The following ATP10B variants were observed in gnomAD, a reference collection of about 807,000 sequenced individuals.
ATP10B encodes phospholipid-transporting ATPase VB.
ATP10B carries 122 observed loss-of-function variants against 141.2 expected under a neutral mutation model. That is an observed-to-expected ratio of 0.86 (90% confidence interval 0.75 to 1.00). ATP10B has a LOEUF of 1.00. ATP10B is among the 50% of genes least tolerant of loss of function. The pLI is 0.00. For synonymous variants in ATP10B, 685 were observed against 692.0 expected (o/e 0.99, Z 0.16); for missense variants, 1,876 against 1,825.3 (o/e 1.03, Z -0.51).
chr5:160,845,138 A>G (rs1295124412), intron 1 of ATP10B, among the ~76,000 whole-genome samples: 2 of 152,182 alleles, frequency 1.3e-5, no homozygotes, highest in Non-Finnish European at 2.9e-5. Context: ...TTGAAACTGA[A>G]CTACTATGGG....
At chr5:160,596,657 C>G (rs980931112) in intron 22 of ATP10B, among the ~76,000 whole-genome samples, 2 of 150,786 alleles carry the variant, frequency 1.3e-5, no homozygotes, top group African/African-American at 4.9e-5. Context: ...TTGTCTCAGC[C>G]CAAAATCTCC....
intron 15 of ATP10B, among the ~76,000 whole-genome samples, chr5:160,618,716 A>T (rs921059916): frequency 6.6e-6 from 1 of 152,182 alleles, no homozygotes; most frequent in African/African-American, 2.4e-5. Context: ...ATTCTATAAT[A>T]AGAATTTTTC....
chr5:160,760,694 G>A (rs1394857361), intron 2 of ATP10B, among the ~76,000 whole-genome samples: 3 of 152,204 alleles, frequency 2.0e-5, no homozygotes, highest in East Asian at 1.9e-4. Context: ...CAGCTGGAGT[G>A]AGCCTGGCCT....
the ATP10B span, among the ~76,000 whole-genome samples, chr5:160,924,146 C>T: frequency 6.6e-6 from 1 of 152,208 alleles, no homozygotes; most frequent in African/African-American, 2.4e-5. Context: ...TGTCCCCATC[C>T]CTTGCCAGCA....
At chr5:160,653,768 A>G (rs906318149) in intron 7 of ATP10B, among the ~76,000 whole-genome samples, 1 of 123,872 alleles carries the variant, frequency 8.1e-6, no homozygotes, top group Non-Finnish European at 1.5e-5. Flanking sequence ...TATATATAAT[A>G]TATACATATA....
Position 160,601,517 on chromosome 5 carries a change from G to C in ATP10B, c.3363+1060C>G, listed in dbSNP as rs532746243. 2.6e-5 allele frequency among the ~76,000 whole-genome samples: 4 copies of C among 152,182 alleles called. No individual in the cohort carries two copies. The South Asian group carries it at 6.2e-4, about 24-fold the overall frequency. ...CTTCCTATTCCCATTGTTAATAAAG[G>C]GCTTTTCAAAGAAGAGTCTTCTGAC... On this transcript the variant is annotated intron_variant, in intron 21 of 25. Transcript: ENST00000327245.
intron 2 of ATP10B, among the ~76,000 whole-genome samples, chr5:160,774,710 G>T (rs1291285179): frequency 6.6e-6 from 1 of 152,192 alleles, no homozygotes; most frequent in African/African-American, 2.4e-5. Flanking sequence ...TACAAATCTA[G>T]TCTCTGTATT....
chr5:160,622,491 G>C lies in ATP10B; in HGVS notation c.1715C>G (p.Ala572Gly), dbSNP rs747153050. 55 of 1,614,028 alleles carry C rather than the reference G, an allele frequency of 3.4e-5. No homozygotes were observed. The Admixed American group carries it at 8.8e-4, about 26-fold the overall frequency. ...ETLSDSRPAKASLSTTSSIAD... is the reference protein window; with the variant it reads ...ETLSDSRPAKGSLSTTSSIAD... ...AATGGAGGAGGTGGTGGAGAGGGAA[G>C]CCTTGGCAGGTCTGCTGTCTGACAA... The change falls in exon 14 of 26, where the codon GCT becomes GGT. Residue 572 changes from alanine to glycine, a missense_variant. Ala to Gly is a moderately conservative substitution (Grantham distance 60). Transcript: ENST00000327245.
the ATP10B span, among the ~76,000 whole-genome samples, chr5:160,923,475 C>G: frequency 6.6e-6 from 1 of 152,220 alleles, no homozygotes; most frequent in Admixed American, 6.5e-5. Context: ...ATATAGGAAT[C>G]AGCACGGTGC....
chr5:160,902,416 G>T, the ATP10B span, among the ~76,000 whole-genome samples: 1 of 152,118 alleles, frequency 6.6e-6, no homozygotes, highest in East Asian at 1.9e-4. Flanking sequence ...CAAGTTCAGG[G>T]TCCCTAATTA....
At chr5:160,689,844 T>G (rs1413395994) in intron 3 of ATP10B, among the ~76,000 whole-genome samples, 1 of 152,138 alleles carries the variant, frequency 6.6e-6, no homozygotes, top group Non-Finnish European at 1.5e-5. Context: ...TTCACAGAAT[T>G]TGAAAAAACT....
At chr5:160,825,370 T>C (rs1774509080) in intron 1 of ATP10B, among the ~76,000 whole-genome samples, 1 of 152,180 alleles carries the variant, frequency 6.6e-6, no homozygotes. Context: ...CTCATGGTAA[T>C]GAGTAAGTCT....
intron 17 of ATP10B, among the ~76,000 whole-genome samples, chr5:160,615,266 A>T (rs1167307322): frequency 6.6e-6 from 1 of 151,680 alleles, no homozygotes; most frequent in African/African-American, 2.4e-5. Flanking sequence ...CCAGGCCTTC[A>T]ATTGGGTCCT....
chr5:160,686,985 T>C, intron 5 of ATP10B: 2 of 985,222 alleles, frequency 2.0e-6, no homozygotes, highest in Non-Finnish European at 2.4e-6. Context: ...TGCATCTTGC[T>C]CTCTCTTGCC....
chr5:160,757,031 C>G (rs1768670615), intron 2 of ATP10B, among the ~76,000 whole-genome samples: 1 of 151,994 alleles, frequency 6.6e-6, no homozygotes, highest in South Asian at 2.1e-4. Context: ...AGCTCAAGGT[C>G]ACTAACTTTT....
intron 3 of ATP10B, among the ~76,000 whole-genome samples, chr5:160,716,663 T>C (rs1215972889): frequency 6.6e-6 from 1 of 152,136 alleles, no homozygotes; most frequent in African/African-American, 2.4e-5. Context: ...ACAACAACAA[T>C]AAGTGGCTTA....
intron 2 of ATP10B, among the ~76,000 whole-genome samples, chr5:160,739,046 A>G (rs1767295419): frequency 6.6e-6 from 1 of 152,246 alleles, no homozygotes; most frequent in African/African-American, 2.4e-5. Context: ...TACAAAAATC[A>G]ATGAATTTAA....
At chr5:160,663,560 G>GTT (rs1762100971) in intron 7 of ATP10B, among the ~76,000 whole-genome samples, 1 of 152,022 alleles carries the variant, frequency 6.6e-6, no homozygotes, top group Non-Finnish European at 1.5e-5. Flanking sequence ...AACACCGCAT[G>GTT]TTCTCACTCA....
intron 1 of ATP10B, among the ~76,000 whole-genome samples, chr5:160,833,997 C>T (rs1020453617): frequency 1.3e-5 from 2 of 152,072 alleles, no homozygotes; most frequent in Non-Finnish European, 2.9e-5. Flanking sequence ...AGTCATACAA[C>T]ATGAATCATC....
Sources: allele counts gnomAD v4.1 joint callset (sites outside exome capture counted in the v4.1 genomes callset), GRCh38; gene constraint gnomAD v4.1.1; transcripts MANE v1.5; gene names NCBI Gene and HGNC (gene_info 2026-07-23, HGNC 2026-07-21).